Variants in SMG5 observed in about 807,000 individuals in gnomAD.
SMG5 encodes the protein nonsense-mediated mRNA decay factor SMG5.
Under a neutral mutation model 122.9 loss-of-function variants are expected in SMG5, and 53 were observed. The ratio of observed to expected loss-of-function variants is 0.43; its 90% confidence interval spans 0.35 to 0.54. The LOEUF (loss-of-function observed/expected upper bound fraction) is 0.54. SMG5 is among the 20% of genes least tolerant of loss of function. The probability of loss-of-function intolerance (pLI) is 0.01; values close to 1 mark genes in which losing one functional copy is unlikely to be tolerated. For missense variants in SMG5, 1,153 were observed against 1,285.6 expected, an observed-to-expected ratio of 0.90 and a Z score of 1.58; for synonymous variants, 477 against 490.2, an observed-to-expected ratio of 0.97 and a Z score of 0.35.
At chr1:156,287,080 G>A (rs1034232270), upstream of SMG5, among the ~76,000 whole-genome samples, 1 of 152,006 alleles carries the variant, frequency 6.6e-6, no homozygotes, top group African/African-American at 2.4e-5. Context: ...ACAAGATCGT[G>A]TCACTGTACT....
chr1:156,286,087 C>T (rs1316946178), upstream of SMG5: 8 of 1,496,390 alleles, frequency 5.3e-6, no homozygotes, highest in African/African-American at 1.1e-4. Context: ...GACCTGGGCC[C>T]CTCAGGGTCT....
upstream of SMG5, among the ~76,000 whole-genome samples, chr1:156,286,627 C>T (rs920363223): frequency 6.6e-6 from 1 of 152,184 alleles, no homozygotes; most frequent in Non-Finnish European, 1.5e-5. Flanking sequence ...CTCTCTTGCA[C>T]CTTACCTCAG....
At chr1:156,288,421 T>G in the SMG5 span, among the ~76,000 whole-genome samples, 1 of 151,776 alleles carries the variant, frequency 6.6e-6, no homozygotes, top group Non-Finnish European at 1.5e-5. Flanking sequence ...CTACAACTTC[T>G]GTCTCCAGGC....
intron 20 of SMG5, 134 bp downstream of exon 20, chr1:156,251,269 G>A (rs1449734882): frequency 2.8e-5 from 31 of 1,090,742 alleles, no homozygotes; most frequent in Non-Finnish European, 4.2e-5. Context: ...CGCAAGGTGA[G>A]GCCTGCAGGA....
Position 156,266,603 on chromosome 1 carries a change from C to T in SMG5, c.1193G>A (p.Arg398Gln), listed in dbSNP as rs1662160418. 1.9e-6 allele frequency: 3 copies of T among 1,614,084 alleles called. No individual in the cohort carries two copies. The highest frequency in any genetic ancestry group is 1.7e-6 in the Non-Finnish European group (2 of 1,180,024). ...FSHLVNHVNIRLQAELEEGEN... is the reference protein window; with the variant it reads ...FSHLVNHVNIQLQAELEEGEN... Reference sequence around the variant, plus strand: ...GCCCTCTTCCAGCTCAGCCTGCAGCCGTATGTTGACATGATTGACGAGGTG... The same window carrying T: ...GCCCTCTTCCAGCTCAGCCTGCAGCTGTATGTTGACATGATTGACGAGGTG... The change falls in exon 11 of 22, where the codon CGG becomes CAG. Residue 398 changes from arginine to glutamine, a missense_variant. Transcript: ENST00000361813.
At chr1:156,272,476 T>C (rs949231000) in intron 6 of SMG5, 78 bp from the exon 7 acceptor site, 1 of 1,204,348 alleles carries the variant, frequency 8.3e-7, no homozygotes, top group Non-Finnish European at 1.2e-6. Context: ...ATGCTAAGCA[T>C]CAGAGAACCT....
chr1:156,274,468 G>C (rs182387889), intron 5 of SMG5, 129 bp downstream of exon 5: 1 of 784,914 alleles, frequency 1.3e-6, no homozygotes, highest in African/African-American at 1.7e-5. Flanking sequence ...AGATGGGAGG[G>C]AAAAAGTTAT....
chr1:156,263,612 C>G (rs768209959), intron 12 of SMG5, 42 bp from the exon 13 acceptor site: 1 of 1,596,276 alleles, frequency 6.3e-7, no homozygotes, highest in Admixed American at 1.7e-5. Context: ...CTGGGATAAA[C>G]AACTGACACT....
At chr1:156,274,941 C>T (rs2101561590) in intron 4 of SMG5, among the ~76,000 whole-genome samples, 1 of 152,112 alleles carries the variant, frequency 6.6e-6, no homozygotes, top group Non-Finnish European at 1.5e-5. Flanking sequence ...AGGGCTAGGG[C>T]CCTCAACCTA....
intron 9 of SMG5, 130 bp from the exon 10 acceptor site, chr1:156,267,808 G>A (rs903108621): frequency 6.1e-6 from 5 of 821,634 alleles, no homozygotes; most frequent in African/African-American, 1.7e-5. Context: ...ACCAGGGAAG[G>A]GTAGTGCTGG....
Position 156,249,595 on chromosome 1 carries a change from CA to C in SMG5, c.*991del, listed in dbSNP as rs1376023167. On this transcript the variant is annotated 3_prime_UTR_variant, in exon 22 of 22. Coordinates refer to ENST00000361813, the MANE Select transcript of SMG5 (RefSeq NM_015327.3). ...TCAACACTCCAAAAGCCAGCCCCTT[CA>C]GGTCTTCAGTCCTGCGGAAGGCAAA... 5.2e-6 allele frequency: 2 copies of C among 384,894 alleles called. No individual in the cohort carries two copies. Among genetic ancestry groups the C allele is most frequent in the African/African-American group, 4.2e-5 (2 of 47,116 alleles). 23.8% of individuals were successfully genotyped at this position (384,894 alleles called of 1,614,324 possible).
At chr1:156,285,045 T>C, upstream of SMG5, 1 of 565,724 alleles carries the variant, frequency 1.8e-6, no homozygotes, top group East Asian at 3.2e-5. Flanking sequence ...TGTCTTCCTC[T>C]GTACCACGTT....
rs1360286489 is a variant in SMG5, at chr1:156,272,402, G to C, written c.635-4C>G. ...CCCAGCTGATTGAAGGGCATTCCTA[G>C]GGAGAAAGAGAATTCATGCAGTCTA... On this transcript the variant is annotated splice_region_variant and splice_polypyrimidine_tract_variant and intron_variant, in intron 6 of 21. Coordinates refer to ENST00000361813, the MANE Select transcript of SMG5 (RefSeq NM_015327.3). The C allele has an allele frequency of 1.4e-5, 22 of 1,597,558 alleles. No homozygotes were observed. The highest frequency in any genetic ancestry group is 1.9e-5 in the Non-Finnish European group (22 of 1,170,072).
intron 1 of SMG5, among the ~76,000 whole-genome samples, chr1:156,279,501 T>C (rs1274967709): frequency 6.6e-6 from 1 of 152,216 alleles, no homozygotes; most frequent in Non-Finnish European, 1.5e-5. Context: ...GGCTGTGTCT[T>C]ACTCTGTGCC....
Position 156,260,419 on chromosome 1 carries a change from C to CA in SMG5, c.2283+31dup, listed in dbSNP as rs752874584. The CA allele has an allele frequency of 6.3e-6, 10 of 1,586,200 alleles. No individual in the cohort carries two copies. The South Asian group carries it at 1.2e-4, about 18-fold the overall frequency. ...TTTGCTGCTGTTTGTGACTGACAAA[C>CA]AGAGCTGTGGCATAAGAAATGCTAT... On this transcript the variant is annotated intron_variant, in intron 15 of 21. Transcript: ENST00000361813.
rs1661478703 is a variant in SMG5 at position 156,254,220 on chromosome 1, G to A, written c.2443-712C>T. 2.6e-5 allele frequency among the ~76,000 whole-genome samples: 4 copies of A among 152,102 alleles called. No homozygotes were observed. In the South Asian group the frequency reaches 6.2e-4, roughly 24 times the overall value. ...CTCCTTGACTACTGTAACAACCACC[G>A]TACTGGTCTCTGCCTCTAATTCAAT... is the stretch of plus-strand genomic sequence containing the variant. On this transcript the variant is annotated intron_variant, in intron 16 of 21. Transcript: ENST00000361813.
chr1:156,266,652 C>G lies in SMG5; in HGVS notation c.1144G>C (p.Ala382Pro), dbSNP rs757852609. The stretch of plus-strand genomic sequence containing the variant: ...TGGGAAAAGAGGGCCAGGGTGAAGG[C>G]AATGGCTGCACTGTACTGCTTGGAT... ...AGSKQYSAAI[A>P]FTLALFSHLV... The change falls in exon 11 of 22, where the codon GCC (alanine) becomes CCC (proline). Residue 382 changes from alanine to proline, a missense_variant. Physicochemically the swap from Ala to Pro is conservative, Grantham distance 27. Coordinates refer to ENST00000361813, the MANE Select transcript of SMG5 (RefSeq NM_015327.3). 15 of 1,614,058 alleles carry G rather than the reference C, an allele frequency of 9.3e-6. No individual in the cohort carries two copies. Among genetic ancestry groups the G allele is most frequent in the Non-Finnish European group, 1.3e-5 (15 of 1,180,040 alleles).
At chr1:156,261,457 A>G (rs368007861) in intron 13 of SMG5, 49 bp from the exon 14 acceptor site, 2 of 1,510,366 alleles carry the variant, frequency 1.3e-6, no homozygotes, top group South Asian at 2.2e-5. Context: ...ACAGTGGTGG[A>G]GAACAGCAGT....
intron 7 of SMG5, 147 bp from the exon 8 acceptor site, chr1:156,268,562 G>A: frequency 1.0e-6 from 1 of 997,908 alleles, no homozygotes; most frequent in Non-Finnish European, 1.5e-6. Context: ...AGGCTCATGA[G>A]CTATCTTTCC....
Sources: gnomAD v4.1 joint callset for allele counts (sites outside exome capture counted in the v4.1 genomes callset) on GRCh38, gnomAD v4.1.1 for gene constraint, MANE v1.5 for transcripts, NCBI Gene and HGNC (gene_info 2026-07-23, HGNC 2026-07-21) for gene names.